The following TLR4 variants were observed in gnomAD, a reference collection of about 807,000 sequenced individuals.
TLR4 encodes the protein toll like receptor 4, also known as toll-like receptor 4.
Under a neutral mutation model 27.4 loss-of-function variants are expected in TLR4, and 17 were observed. The ratio of observed to expected loss-of-function variants is 0.62; its 90% confidence interval spans 0.42 to 0.93. TLR4 has a LOEUF of 0.93. TLR4 is among the 40% of genes least tolerant of loss of function. The pLI is 0.00. For missense variants in TLR4, 926 were observed against 962.3 expected (o/e 0.96, Z 0.50); for synonymous variants, 363 against 365.7 (o/e 0.99, Z 0.08).
chr9:117,712,121 C>T (rs1829241280), intron 2 of TLR4, among the ~76,000 whole-genome samples: 1 of 151,970 alleles, frequency 6.6e-6, no homozygotes, highest in Non-Finnish European at 1.5e-5. Context: ...AACTGATTTC[C>T]TTCTTATGGA....
At chr9:117,707,385 C>T (rs1405310179) in intron 1 of TLR4, among the ~76,000 whole-genome samples, 6 of 152,074 alleles carry the variant, frequency 3.9e-5, no homozygotes, top group South Asian at 2.1e-4. Context: ...ACTATGCAGG[C>T]ATATGGTAAG....
At chr9:117,709,786 A>T (rs1829200308) in intron 2 of TLR4, among the ~76,000 whole-genome samples, 1 of 152,172 alleles carries the variant, frequency 6.6e-6, no homozygotes, top group East Asian at 1.9e-4. Flanking sequence ...GATAGGATGT[A>T]ACAAAGGAGT....
In TLR4 at chr9:117,714,128, A is replaced by G. The variant is rs1829296653; in HGVS notation, c.2000A>G (p.Tyr667Cys). Residue 667 changes from tyrosine to cysteine, a missense_variant, in exon 3 of 3, where the codon TAT becomes TGT. Transcript: ENST00000355622. The stretch of plus-strand genomic sequence containing the variant: ...ATGCTTCTTGCTGGCTGCATAAAGT[A>G]TGGTAGAGGTGAAAACATCTATGAT... ...HLMLLAGCIKYGRGENIYDAF... is the reference protein window; with the variant it reads ...HLMLLAGCIKCGRGENIYDAF... 1 of 1,614,122 alleles carries G rather than the reference A, an allele frequency of 6.2e-7. No individual in the cohort carries two copies. The highest frequency in any genetic ancestry group is 8.5e-7 in the Non-Finnish European group (1 of 1,180,012).
rs1829353736 is a variant in TLR4, at chr9:117,716,678, T to C, written c.*2030T>C. ...AGTTCGTATAATGAACAATACTGTA[T>C]TATGCACTTAACATTTTGTTAAGAG... is the stretch of plus-strand genomic sequence containing the variant. On this transcript the variant is annotated 3_prime_UTR_variant, in exon 3 of 3. Coordinates refer to ENST00000355622, the MANE Select transcript of TLR4 (RefSeq NM_138554.5). 1 of 152,166 alleles carries C rather than the reference T, an allele frequency of 6.6e-6. No homozygotes were observed. Among genetic ancestry groups the C allele is most frequent in the African/African-American group, 2.4e-5 (1 of 41,434 alleles). 9.4% of individuals were successfully genotyped at this position (152,166 alleles called of 1,614,324 possible).
In TLR4 at chr9:117,710,969, G is replaced by A. The variant is rs1339314545; in HGVS notation, c.261-1420G>A. On this transcript the variant is annotated intron_variant, in intron 2 of 2. Coordinates refer to ENST00000355622, the MANE Select transcript of TLR4 (RefSeq NM_138554.5). ...CAAGACCCTTTCCTTCTCACCTAATGTATAGAGCAATGCAGAGATAGAATG... is the reference window on the plus strand; with the variant it reads ...CAAGACCCTTTCCTTCTCACCTAATATATAGAGCAATGCAGAGATAGAATG... 2.6e-5 allele frequency among the ~76,000 whole-genome samples: 4 copies of A among 152,168 alleles called. No homozygotes were observed. In the East Asian group the frequency reaches 5.8e-4, roughly 22 times the overall value.
At position 117,704,483 on chromosome 9, in the gene TLR4, C is replaced by T. The variant is rs540134484; in HGVS notation, c.11C>T (p.Ala4Val). ...GAGGATGATGCCAGGATGATGTCTG[C>T]CTCGCGCCTGGCTGGGACTCTGATC... MMS[A>V]SRLAGTLIPA... The change falls in exon 1 of 3, where the codon GCC becomes GTC. Residue 4 changes from alanine to valine, a missense_variant. Coordinates refer to ENST00000355622, the MANE Select transcript of TLR4 (RefSeq NM_138554.5). The T allele has an allele frequency of 6.8e-6, 11 of 1,613,236 alleles. No homozygotes were observed. In the African/African-American group the frequency reaches 1.3e-4, roughly 20 times the overall value.
Position 117,713,956 on chromosome 9 carries a change from GC to G in TLR4, c.1829del (p.Ala610GlufsTer12). On this transcript the variant is annotated frameshift_variant, in exon 3 of 3. Transcript: ENST00000355622. LOFTEE classifies it high-confidence loss of function. ...GGTGGAAGTTGAACGAATGGAATGT[GC>G]AACACCTTCAGATAAGCAGGGCATG... is the stretch of plus-strand genomic sequence containing the variant. ...LLVEVERMEC[A>X]TPSDKQGMPV... The G allele has an allele frequency of 6.2e-7, 1 of 1,614,056 alleles. No individual in the cohort carries two copies. The highest frequency in any genetic ancestry group is 8.5e-7 in the Non-Finnish European group (1 of 1,180,016).
chr9:117,709,095 C>T (rs553251041), intron 2 of TLR4: 121 of 227,354 alleles, frequency 5.3e-4, no homozygotes, highest in African/African-American at 2.7e-3. Context: ...TAACACACAG[C>T]CCCTGTTGTT....
chr9:117,710,807 A>G (rs1184465872), intron 2 of TLR4, among the ~76,000 whole-genome samples: 2 of 152,128 alleles, frequency 1.3e-5, no homozygotes, highest in Admixed American at 1.3e-4. Flanking sequence ...AATGACTTAT[A>G]TACATTATCA....
rs1829320209 is a variant in TLR4 at position 117,715,087 on chromosome 9, C to T, written c.*439C>T. 4.9e-6 allele frequency: 1 copy of T among 204,930 alleles called. No homozygotes were observed. The highest frequency in any genetic ancestry group is 7.6e-5 in the South Asian group (1 of 13,222). The allele number at this position is 204,930 out of a possible 1,614,324, so 12.7% of individuals were successfully genotyped here. On this transcript the variant is annotated 3_prime_UTR_variant, in exon 3 of 3. Transcript: ENST00000355622. ...TTGATTGAATACAATTTAAATTCTA[C>T]TTGATGACTGCAGTCGTCAAGGGGC...
At chr9:117,708,918 C>G in intron 2 of TLR4, 189 bp downstream of exon 2, 1 of 680,320 alleles carries the variant, frequency 1.5e-6, no homozygotes, top group Non-Finnish European at 2.4e-6. Flanking sequence ...GTTTTCTAAT[C>G]TGTGAAGTAG....
chr9:117,714,405 T>G lies in TLR4; in HGVS notation c.2277T>G (p.Phe759Leu). The G allele has an allele frequency of 6.2e-7, 1 of 1,611,848 alleles. No individual in the cohort carries two copies. Among genetic ancestry groups the G allele is most frequent in the East Asian group, 2.2e-5 (1 of 44,764 alleles). ...FEYEIAQTWQFLSSRAGIIFI... is the reference protein window; with the variant it reads ...FEYEIAQTWQLLSSRAGIIFI... Reference sequence around the variant, plus strand: ...ATGAGATTGCTCAGACCTGGCAGTTTCTGAGCAGTCGTGCTGGTATCATCT... The same window carrying G: ...ATGAGATTGCTCAGACCTGGCAGTTGCTGAGCAGTCGTGCTGGTATCATCT... The change falls in exon 3 of 3, where the codon TTT becomes TTG. Residue 759 changes from phenylalanine to leucine, a missense_variant. Transcript: ENST00000355622.
rs752448029 is a variant in TLR4, at chr9:117,713,077, A to C, written c.949A>C (p.Ser317Arg). Residue 317 changes from serine (S) to arginine (R), a missense_variant, in exon 3 of 3, where the codon AGT becomes CGT. Ser to Arg is a moderately radical substitution (Grantham distance 110). Coordinates refer to ENST00000355622, the MANE Select transcript of TLR4 (RefSeq NM_138554.5). ...AAATGTTTCTTCATTTTCCCTGGTG[A>C]GTGTGACTATTGAAAGGGTAAAAGA... ...LTNVSSFSLV[S>R]VTIERVKDFS... The C allele has an allele frequency of 5.6e-6, 9 of 1,613,764 alleles. No individual in the cohort carries two copies. Among genetic ancestry groups the C allele is most frequent in the Non-Finnish European group, 7.6e-6 (9 of 1,179,852 alleles).
intron 1 of TLR4, among the ~76,000 whole-genome samples, chr9:117,707,296 C>T (rs1439402393): frequency 6.6e-6 from 1 of 152,136 alleles, no homozygotes; most frequent in Non-Finnish European, 1.5e-5. Flanking sequence ...GCGCATATTA[C>T]TTCATTTCTT....
Position 117,704,405 on chromosome 9 carries a change from A to G in TLR4, c.-68A>G. 1 of 1,458,610 alleles carries G rather than the reference A, an allele frequency of 6.9e-7. No individual in the cohort carries two copies. Among genetic ancestry groups the G allele is most frequent in the East Asian group, 2.3e-5 (1 of 43,980 alleles). 90.4% of individuals were successfully genotyped at this position (1,458,610 alleles called of 1,614,324 possible). A position where few individuals can be genotyped will look rare whatever the true frequency, so the allele number is the denominator to read the frequency against. On this transcript the variant is annotated 5_prime_UTR_variant, in exon 1 of 3. Transcript: ENST00000355622. ...AGTGCCTCAGAAACTGCTCGGTCAG[A>G]CGGTGATAGCGAGCCACGCATTCAC...
rs56302444 is a variant in TLR4 at position 117,712,405 on chromosome 9, A to G, written c.277A>G (p.Ile93Val). ...TTCCTGTAGGTGTGAAATCCAGACA[A>G]TTGAAGATGGGGCATATCAGAGCCT... ...LDLSRCEIQT[I>V]EDGAYQSLSH... The change falls in exon 3 of 3, where the codon ATT (isoleucine) becomes GTT (valine). Residue 93 changes from isoleucine to valine, a missense_variant. Ile to Val is a conservative substitution (Grantham distance 29, BLOSUM62 3). Coordinates refer to ENST00000355622, the MANE Select transcript of TLR4 (RefSeq NM_138554.5). 1.6e-4 allele frequency: 264 copies of G among 1,613,864 alleles called. 4 individuals carry two copies. The South Asian group carries it at 1.9e-3, about 12-fold the overall frequency.
At position 117,712,779 on chromosome 9, in the gene TLR4, T is replaced by C. The variant is rs1226765709; in HGVS notation, c.651T>C (p.Phe217=). Residue 217 remains phenylalanine (F), a synonymous_variant, in exon 3 of 3, where the codon TTT becomes TTC. Transcript: ENST00000355622. ...ACCTGTCCCTGAACCCTATGAACTT[T>C]ATCCAACCAGGTGCATTTAAAGAAA... ...SLDLSLNPMN[F]IQPGAFKEIR... is the part of the protein sequence containing the mutation. 9 of 1,614,064 alleles carry C rather than the reference T, an allele frequency of 5.6e-6. No individual in the cohort carries two copies. The highest frequency in any genetic ancestry group is 7.6e-6 in the Non-Finnish European group (9 of 1,180,016).
chr9:117,713,334 G>A lies in TLR4; in HGVS notation c.1206G>A (p.Lys402=). The A allele has an allele frequency of 6.2e-7, 1 of 1,614,050 alleles. No homozygotes were observed. The highest frequency in any genetic ancestry group is 8.5e-7 in the Non-Finnish European group (1 of 1,180,000). ...SQSDFGTTSL[K]YLDLSFNGVI... ...GTGATTTTGGGACAACCAGCCTAAA[G>A]TATTTAGATCTGAGCTTCAATGGTG... The change falls in exon 3 of 3, where the codon AAG becomes AAA. Residue 402 remains lysine, a synonymous_variant. Transcript: ENST00000355622.
At chr9:117,708,086 G>T (rs1057270421) in intron 1 of TLR4, 14 of 615,342 alleles carry the variant, frequency 2.3e-5, no homozygotes, top group African/African-American at 2.2e-4. Flanking sequence ...TAGTGTATGT[G>T]CTACTGCAGC....
Sources: gnomAD v4.1 joint callset for allele counts (sites outside exome capture counted in the v4.1 genomes callset) on GRCh38, gnomAD v4.1.1 for gene constraint, MANE v1.5 for transcripts, NCBI Gene and HGNC (gene_info 2026-07-23, HGNC 2026-07-21) for gene names.